Variants in VPS50 observed in about 807,000 individuals in gnomAD.
The protein encoded by VPS50 is VPS50 subunit of EARP/GARPII complex.
A neutral mutation model predicts 139.7 loss-of-function variants in VPS50; 70 were observed. The observed-to-expected ratio is 0.50, with a 90% CI of 0.41 to 0.61. The LOEUF (loss-of-function observed/expected upper bound fraction) is 0.61. Among genes scored for constraint, VPS50 ranks in the 20% least tolerant of loss-of-function variants. The pLI, the probability that VPS50 is intolerant of heterozygous loss-of-function variation, is 0.00. For synonymous variants in VPS50, 365 were observed against 376.7 expected, an observed-to-expected ratio of 0.97 and a Z score of 0.36; for missense variants, 921 against 1,133.7, an observed-to-expected ratio of 0.81 and a Z score of 2.69.
chr7:93,327,728 T>C (rs1350865201), intron 21 of VPS50, among the ~76,000 whole-genome samples: 1 of 152,148 alleles, frequency 6.6e-6, no homozygotes, highest in Admixed American at 6.5e-5. Context: ...GAATAAGCTT[T>C]TCAGGCCCAT....
intron 20 of VPS50, among the ~76,000 whole-genome samples, chr7:93,314,548 G>C (rs553537370): frequency 3.9e-5 from 6 of 152,108 alleles, no homozygotes; most frequent in Middle Eastern, 3.2e-3. Flanking sequence ...GGTATTCACG[G>C]TTCTCTCTCC....
At chr7:93,237,628 G>A (rs1794854930) in intron 1 of VPS50, among the ~76,000 whole-genome samples, 1 of 152,188 alleles carries the variant, frequency 6.6e-6, no homozygotes. Context: ...TGTTAGATTA[G>A]TTAAGCAAAT....
chr7:93,346,662 AT>A (rs1798403938), intron 23 of VPS50, among the ~76,000 whole-genome samples: 1 of 150,732 alleles, frequency 6.6e-6, no homozygotes, highest in African/African-American at 2.5e-5. Flanking sequence ...GCCCACAGAA[AT>A]AACACCACAT....
In VPS50 at chr7:93,323,820, C is replaced by A. The variant is rs1437487072; in HGVS notation, c.1977+88C>A. On this transcript the variant is annotated intron_variant, in intron 21 of 27. Transcript: ENST00000305866. ...TTTTTCATTCTCTCTATAGAAGATACACAAATAACATTATTTTGGGGATTA... is the reference window on the plus strand; with the variant it reads ...TTTTTCATTCTCTCTATAGAAGATAAACAAATAACATTATTTTGGGGATTA... 3 of 603,120 alleles carry A rather than the reference C, an allele frequency of 5.0e-6. No homozygotes were observed. The East Asian group carries it at 1.1e-4, about 23-fold the overall frequency. 37.4% of individuals were successfully genotyped at this position (603,120 alleles called of 1,614,324 possible).
chr7:93,301,556 T>C (rs894648287), intron 16 of VPS50, among the ~76,000 whole-genome samples: 6 of 152,182 alleles, frequency 3.9e-5, no homozygotes, highest in Admixed American at 1.3e-4. Flanking sequence ...GTATTAGTTT[T>C]AAATTACTGT....
chr7:93,271,291 G>A, intron 10 of VPS50, 29 bp downstream of exon 10: 1 of 1,507,158 alleles, frequency 6.6e-7, no homozygotes, highest in Non-Finnish European at 8.8e-7. Flanking sequence ...TAACCTTAAT[G>A]AGTTTTTCTT....
intron 2 of VPS50, among the ~76,000 whole-genome samples, chr7:93,240,763 C>T (rs1182160968): frequency 6.6e-6 from 1 of 152,148 alleles, no homozygotes; most frequent in Non-Finnish European, 1.5e-5. Context: ...AGTTTAAGGC[C>T]TCTCCTTACA....
At chr7:93,321,121 A>G (rs955976415) in intron 20 of VPS50, 1 of 152,228 alleles carries the variant, frequency 6.6e-6, no homozygotes, top group African/African-American at 2.4e-5. Context: ...ATAGTTGAGC[A>G]GTTGAAACAG....
At chr7:93,261,449 G>A (rs1795670765) in intron 9 of VPS50, among the ~76,000 whole-genome samples, 1 of 152,030 alleles carries the variant, frequency 6.6e-6, no homozygotes. Context: ...AGGCCGAGGC[G>A]GGCGGATCAC....
chr7:93,346,313 A>T (rs1397200135), intron 23 of VPS50, among the ~76,000 whole-genome samples: 2 of 152,024 alleles, frequency 1.3e-5, no homozygotes, highest in South Asian at 2.1e-4. Context: ...CACTGCTCAA[A>T]GAAATAAAAG....
intron 14 of VPS50, 41 bp downstream of exon 14, chr7:93,294,677 G>T (rs745697698): frequency 3.3e-5 from 47 of 1,420,474 alleles, no homozygotes; most frequent in African/African-American, 4.3e-5. Context: ...AGAAGCAATA[G>T]AAATGTCATG....
intron 21 of VPS50, among the ~76,000 whole-genome samples, chr7:93,325,323 G>A (rs1022030349): frequency 6.6e-6 from 1 of 152,102 alleles, no homozygotes; most frequent in Non-Finnish European, 1.5e-5. Flanking sequence ...AGACTTAAAT[G>A]TTAGACCTAA....
At chr7:93,351,146 A>C (rs374620306) in intron 25 of VPS50, among the ~76,000 whole-genome samples, 1 of 152,156 alleles carries the variant, frequency 6.6e-6, no homozygotes, top group African/African-American at 2.4e-5. Flanking sequence ...TAATTGTGCC[A>C]ACATCAGTAA....
chr7:93,254,194 T>G (rs1191007780), intron 4 of VPS50, among the ~76,000 whole-genome samples: 1 of 152,242 alleles, frequency 6.6e-6, no homozygotes, highest in South Asian at 2.1e-4. Flanking sequence ...CTTTGAACTT[T>G]GTTTTAGATT....
chr7:93,341,963 C>A (rs1798224006), intron 23 of VPS50, among the ~76,000 whole-genome samples: 1 of 152,172 alleles, frequency 6.6e-6, no homozygotes, highest in Non-Finnish European at 1.5e-5. Flanking sequence ...AGAATGCTTC[C>A]TGGGGAGAAG....
At chr7:93,313,233 G>A (rs1450479202) in intron 20 of VPS50, among the ~76,000 whole-genome samples, 1 of 152,166 alleles carries the variant, frequency 6.6e-6, no homozygotes, top group Non-Finnish European at 1.5e-5. Flanking sequence ...GGCAAAGGGA[G>A]GGGAGAAGTA....
intron 21 of VPS50, among the ~76,000 whole-genome samples, chr7:93,328,697 C>T (rs754432978): frequency 1.3e-5 from 2 of 152,076 alleles, no homozygotes; most frequent in South Asian, 2.1e-4. Flanking sequence ...GCAGTCCATG[C>T]GGCCCACGGT....
intron 21 of VPS50, among the ~76,000 whole-genome samples, chr7:93,329,384 TAAATC>T (rs1012840642): frequency 2.3e-4 from 35 of 151,760 alleles, no homozygotes; most frequent in African/African-American, 8.0e-4. Context: ...AACTTAAAGA[TAAATC>T]AAAGTTATAC....
At chr7:93,352,079 G>A (rs1798577758) in intron 25 of VPS50, among the ~76,000 whole-genome samples, 1 of 152,122 alleles carries the variant, frequency 6.6e-6, no homozygotes, top group South Asian at 2.1e-4. Flanking sequence ...TGAAATGTTT[G>A]TATGATTCAT....
Sources: gnomAD v4.1 joint callset for allele counts (sites outside exome capture counted in the v4.1 genomes callset) on GRCh38, gnomAD v4.1.1 for gene constraint, MANE v1.5 for transcripts, NCBI Gene and HGNC (gene_info 2026-07-23, HGNC 2026-07-21) for gene names.